Variants in PCDH9 observed in about 807,000 individuals in gnomAD.
The protein encoded by PCDH9 is protocadherin-9.
A neutral mutation model predicts 70.6 loss-of-function variants in PCDH9; 24 were observed. The ratio of observed to expected loss-of-function variants is 0.34; its 90% confidence interval spans 0.25 to 0.48. The LOEUF (loss-of-function observed/expected upper bound fraction) is 0.48. PCDH9 is among the 20% of genes least tolerant of loss of function. PCDH9 has a pLI of 0.99. For synonymous variants in PCDH9, 562 were observed against 558.5 expected, an observed-to-expected ratio of 1.01 and a Z score of -0.09; for missense variants, 1,281 against 1,503.6, an observed-to-expected ratio of 0.85 and a Z score of 2.45.
intron 3 of PCDH9, among the ~76,000 whole-genome samples, chr13:66,835,626 T>C (rs1021650142): frequency 1.3e-5 from 2 of 152,190 alleles, no homozygotes; most frequent in Non-Finnish European, 2.9e-5. Flanking sequence ...TTTGTTATGG[T>C]GCTACAAAAC....
intron 3 of PCDH9, among the ~76,000 whole-genome samples, chr13:66,846,896 C>CACAT (rs1218997133): frequency 6.6e-6 from 1 of 151,594 alleles, no homozygotes. Context: ...CACACACACA[C>CACAT]ACACACACAC....
chr13:66,833,559 G>T, intron 3 of PCDH9, among the ~76,000 whole-genome samples: 1 of 152,052 alleles, frequency 6.6e-6, no homozygotes, highest in East Asian at 1.9e-4. Flanking sequence ...CATTGGAATT[G>T]GGCACAATTT....
At chr13:66,848,105 A>G (rs1259864843) in intron 3 of PCDH9, among the ~76,000 whole-genome samples, 2 of 152,178 alleles carry the variant, frequency 1.3e-5, no homozygotes, top group Non-Finnish European at 2.9e-5. Context: ...CGTATCTCCT[A>G]TATCCATGCC....
At chr13:67,127,761 C>T (rs1408725182) in intron 2 of PCDH9, among the ~76,000 whole-genome samples, 2 of 150,648 alleles carry the variant, frequency 1.3e-5, no homozygotes, top group Admixed American at 1.3e-4. Flanking sequence ...TCAAACCATG[C>T]CTTTTCTAAT....
intron 2 of PCDH9, among the ~76,000 whole-genome samples, chr13:67,179,253 T>C (rs925954954): frequency 6.6e-6 from 1 of 152,084 alleles, no homozygotes; most frequent in East Asian, 1.9e-4. Context: ...CCATAGTAGT[T>C]GTCAGAGCCA....
chr13:66,530,109 T>C (rs951141009), intron 4 of PCDH9, among the ~76,000 whole-genome samples: 2 of 152,094 alleles, frequency 1.3e-5, no homozygotes, highest in South Asian at 4.2e-4. Flanking sequence ...AGAAATGATA[T>C]CTCTGCTTCC....
At chr13:66,584,512 A>G (rs1323009604) in intron 4 of PCDH9, among the ~76,000 whole-genome samples, 1 of 152,190 alleles carries the variant, frequency 6.6e-6, no homozygotes, top group Non-Finnish European at 1.5e-5. Flanking sequence ...GTCACCGTGC[A>G]ATCCTTAAAT....
intron 2 of PCDH9, among the ~76,000 whole-genome samples, chr13:67,062,813 A>C (rs2085565243): frequency 6.6e-6 from 1 of 152,148 alleles, no homozygotes; most frequent in Non-Finnish European, 1.5e-5. Context: ...GATGATGTAG[A>C]TTTGGTCCTT....
chr13:66,444,703 G>A (rs1226679222), intron 4 of PCDH9, among the ~76,000 whole-genome samples: 1 of 152,060 alleles, frequency 6.6e-6, no homozygotes, highest in African/African-American at 2.4e-5. Flanking sequence ...TGGGACTATA[G>A]GCATGTGCCA....
intron 4 of PCDH9, among the ~76,000 whole-genome samples, chr13:66,615,093 T>C (rs1274269778): frequency 6.6e-6 from 1 of 152,236 alleles, no homozygotes; most frequent in East Asian, 1.9e-4. Context: ...ATATTTAGGC[T>C]AAATTGTGGG....
At chr13:67,143,562 C>A (rs890725623) in intron 2 of PCDH9, among the ~76,000 whole-genome samples, 1 of 151,976 alleles carries the variant, frequency 6.6e-6, no homozygotes, top group East Asian at 1.9e-4. Context: ...TCCTTCAAAG[C>A]GGTCTAGCCA....
chr13:66,724,235 T>C (rs899995106), intron 3 of PCDH9, among the ~76,000 whole-genome samples: 2 of 152,216 alleles, frequency 1.3e-5, no homozygotes, highest in African/African-American at 4.8e-5. Context: ...TCAGGTGTTA[T>C]TTAAATGAGC....
At chr13:66,488,366 T>C (rs1472584339) in intron 4 of PCDH9, among the ~76,000 whole-genome samples, 3 of 152,114 alleles carry the variant, frequency 2.0e-5, no homozygotes, top group Admixed American at 6.5e-5. Flanking sequence ...ACGATTCAGT[T>C]AATAAAGGGA....
At chr13:66,585,573 C>T (rs2076951611) in intron 4 of PCDH9, among the ~76,000 whole-genome samples, 1 of 152,016 alleles carries the variant, frequency 6.6e-6, no homozygotes, top group Non-Finnish European at 1.5e-5. Context: ...AATATTTCAG[C>T]AATCAGATCC....
intron 2 of PCDH9, among the ~76,000 whole-genome samples, chr13:66,957,362 A>C (rs2083280519): frequency 6.6e-6 from 1 of 152,104 alleles, no homozygotes; most frequent in Admixed American, 6.5e-5. Context: ...TCCAAGTTTC[A>C]CATAATCTGC....
At chr13:66,675,685 T>C (rs766713882) in intron 3 of PCDH9, among the ~76,000 whole-genome samples, 8 of 152,132 alleles carry the variant, frequency 5.3e-5, no homozygotes, top group South Asian at 2.1e-4. Context: ...GATGAGTAAG[T>C]AGTGTTAAAG....
intron 4 of PCDH9, among the ~76,000 whole-genome samples, chr13:66,457,594 C>T (rs2138444007): frequency 6.6e-6 from 1 of 151,982 alleles, no homozygotes; most frequent in African/African-American, 2.4e-5. Flanking sequence ...TTTTAAAATC[C>T]CAATGCCTAG....
rs117743986 is a variant in PCDH9, at chr13:66,663,885, C to T, written c.3139-32474G>A. ...ATCTTCTTACACAAGGCCAGGCTCT[C>T]ATCTTCCTCTGCACCCCACAGTGCT... On this transcript the variant is annotated intron_variant, in intron 3 of 4. Coordinates refer to ENST00000377865, the MANE Select transcript of PCDH9 (RefSeq NM_203487.3). Among the ~76,000 whole-genome samples the T allele has an allele frequency of 5.0e-3, 769 of 152,304 alleles. 1 individual carries two copies. Among genetic ancestry groups the T allele is most frequent in the Admixed American group, 0.011 (162 of 15,294 alleles).
chr13:67,005,307 CT>C (rs2084329150), intron 2 of PCDH9, among the ~76,000 whole-genome samples: 1 of 151,760 alleles, frequency 6.6e-6, no homozygotes, highest in African/African-American at 2.4e-5. Flanking sequence ...AGGGGATTTT[CT>C]TTTACTATTT....
Sources: gnomAD v4.1 joint callset for allele counts (sites outside exome capture counted in the v4.1 genomes callset) on GRCh38, gnomAD v4.1.1 for gene constraint, MANE v1.5 for transcripts, NCBI Gene and HGNC (gene_info 2026-07-23, HGNC 2026-07-21) for gene names.